The following STK33 variants were observed in gnomAD, a reference collection of about 807,000 sequenced individuals.
STK33 encodes the protein serine/threonine-protein kinase 33.
STK33 carries 52 observed loss-of-function variants against 58.0 expected under a neutral mutation model. The ratio of observed to expected loss-of-function variants is 0.90; its 90% CI spans 0.72 to 1.13. The LOEUF (loss-of-function observed/expected upper bound fraction) is 1.13, where lower values mean the gene tolerates loss of function less well. STK33 is among the 50% of genes most tolerant of loss of function. The pLI is 0.00. For synonymous variants in STK33, 215 were observed against 200.1 expected (o/e 1.07, Z -0.63); for missense variants, 630 against 604.2 (o/e 1.04, Z -0.45).
chr11:8,554,623 G>T (rs1956601794), intron 1 of STK33, among the ~76,000 whole-genome samples: 1 of 152,166 alleles, frequency 6.6e-6, no homozygotes, highest in Non-Finnish European at 1.5e-5. Flanking sequence ...TAGTGAGGAT[G>T]CAGAGAAAGG....
At chr11:8,580,812 A>G (rs899909965) in intron 1 of STK33, 2 of 152,014 alleles carry the variant, frequency 1.3e-5, no homozygotes, top group Non-Finnish European at 2.9e-5. Context: ...TGTTCACAGA[A>G]CCTATCTTGG....
chr11:8,479,370 T>C (rs970030327), intron 2 of STK33, among the ~76,000 whole-genome samples: 5 of 151,304 alleles, frequency 3.3e-5, no homozygotes, highest in South Asian at 4.2e-4. Flanking sequence ...AAGGCGGAGA[T>C]TGCAGTGAGC....
chr11:8,443,491 C>T (rs796112242), intron 11 of STK33, among the ~76,000 whole-genome samples: 3 of 152,100 alleles, frequency 2.0e-5, no homozygotes, highest in African/African-American at 7.2e-5. Flanking sequence ...ACATCTCAAC[C>T]ACCTGGAAAA....
chr11:8,474,782 T>G lies in STK33; in HGVS notation c.124A>C (p.Met42Leu), dbSNP rs1949110804. 1.2e-6 allele frequency: 2 copies of G among 1,613,476 alleles called. No individual in the cohort carries two copies. Among genetic ancestry groups the G allele is most frequent in the African/African-American group, 1.3e-5 (1 of 74,908 alleles). The change falls in exon 5 of 16, where the codon ATG becomes CTG. Residue 42 changes from methionine to leucine, a missense_variant. By Grantham distance (15) the Met-to-Leu change is conservative (BLOSUM62 2). Coordinates refer to ENST00000687296, the MANE Select transcript of STK33 (RefSeq NM_001352389.2). ...TRVPPVLVVEMSQTSSIGSAE... is the reference protein window; with the variant it reads ...TRVPPVLVVELSQTSSIGSAE... ...CTACCAATGCTTGATGTCTGTGACA[T>G]TTCCACCACCAAAACTGGAGGAACC...
chr11:8,375,107 C>T, the STK33 span, among the ~76,000 whole-genome samples: 1 of 152,240 alleles, frequency 6.6e-6, no homozygotes, highest in Non-Finnish European at 1.5e-5. Flanking sequence ...CAGAAATGCA[C>T]ACTTGCAAGG....
chr11:8,423,727 G>C (rs1483998838), intron 14 of STK33, among the ~76,000 whole-genome samples: 1 of 151,874 alleles, frequency 6.6e-6, no homozygotes, highest in Non-Finnish European at 1.5e-5. Flanking sequence ...GAATAAGCTT[G>C]TCATATTATT....
At chr11:8,458,005 G>T (rs943044175) in intron 8 of STK33, among the ~76,000 whole-genome samples, 1 of 152,186 alleles carries the variant, frequency 6.6e-6, no homozygotes, top group African/African-American at 2.4e-5. Context: ...GGGCCAGGTT[G>T]TAAAGAGTTC....
intron 1 of STK33, among the ~76,000 whole-genome samples, chr11:8,544,117 C>T (rs1453508722): frequency 1.3e-5 from 2 of 151,676 alleles, no homozygotes; most frequent in African/African-American, 4.8e-5. Flanking sequence ...CCCATCAACC[C>T]GTCAACTACA....
At chr11:8,423,667 C>T (rs939616252) in intron 14 of STK33, among the ~76,000 whole-genome samples, 6 of 152,140 alleles carry the variant, frequency 3.9e-5, no homozygotes, top group Middle Eastern at 3.4e-3. Context: ...TCCACATGTG[C>T]TTGAGAACAT....
At chr11:8,438,879 C>A (rs1014617427) in intron 12 of STK33, among the ~76,000 whole-genome samples, 5 of 152,108 alleles carry the variant, frequency 3.3e-5, no homozygotes, top group African/African-American at 1.2e-4. Flanking sequence ...AAACGATGAT[C>A]AAAAACTTTT....
chr11:8,491,823 G>C (rs1192070632), intron 1 of STK33, among the ~76,000 whole-genome samples: 2 of 152,084 alleles, frequency 1.3e-5, no homozygotes, highest in African/African-American at 4.8e-5. Context: ...TTTCAACCCA[G>C]AATTTCATAT....
intron 1 of STK33, among the ~76,000 whole-genome samples, chr11:8,495,276 A>C (rs2138876124): frequency 6.6e-6 from 1 of 152,334 alleles, no homozygotes; most frequent in Admixed American, 6.5e-5. Flanking sequence ...CCCATCAAAA[A>C]GTGGGCAAAG....
intron 1 of STK33, among the ~76,000 whole-genome samples, chr11:8,545,041 G>A (rs574001860): frequency 2.0e-5 from 3 of 152,310 alleles, no homozygotes; most frequent in African/African-American, 2.4e-5. Context: ...AGAGAGAAGT[G>A]AAGGGCACAA....
At chr11:8,513,041 T>A (rs1276670016) in intron 1 of STK33, among the ~76,000 whole-genome samples, 2 of 152,202 alleles carry the variant, frequency 1.3e-5, no homozygotes, top group Non-Finnish European at 2.9e-5. Context: ...ATTCTACAAA[T>A]GACAATTGAT....
intron 1 of STK33, among the ~76,000 whole-genome samples, chr11:8,534,237 T>C (rs1313704156): frequency 2.0e-5 from 3 of 151,376 alleles, no homozygotes; most frequent in East Asian, 3.9e-4. Flanking sequence ...ATCGCACCAC[T>C]GCACTCCAGC....
chr11:8,582,292 A>C (rs1162478221), intron 1 of STK33, among the ~76,000 whole-genome samples: 1 of 152,232 alleles, frequency 6.6e-6, no homozygotes, highest in Non-Finnish European at 1.5e-5. Context: ...GGACAAAACT[A>C]AAAAGTGTAA....
chr11:8,559,600 T>TACCCCATA (rs1565365020), intron 1 of STK33, among the ~76,000 whole-genome samples: 1 of 152,240 alleles, frequency 6.6e-6, no homozygotes, highest in Non-Finnish European at 1.5e-5. Context: ...TTTACTATTC[T>TACCCCATA]ACCCCATAAT....
At chr11:8,437,684 A>G (rs544246779) in intron 12 of STK33, among the ~76,000 whole-genome samples, 39 of 152,188 alleles carry the variant, frequency 2.6e-4, no homozygotes, top group African/African-American at 9.2e-4. Context: ...ACTCATGAAC[A>G]TTTTCTGAAT....
At chr11:8,377,202 G>A in the STK33 span, among the ~76,000 whole-genome samples, 1 of 152,240 alleles carries the variant, frequency 6.6e-6, no homozygotes, top group Non-Finnish European at 1.5e-5. Context: ...GTGACCAGTA[G>A]ATACCCCTAT....
Sources: gnomAD v4.1 joint callset for allele counts (sites outside exome capture counted in the v4.1 genomes callset) on GRCh38, gnomAD v4.1.1 for gene constraint, MANE v1.5 for transcripts, NCBI Gene and HGNC (gene_info 2026-07-23, HGNC 2026-07-21) for gene names.